EXOC6B: variants seen among roughly 807,000 people sequenced by gnomAD.
The protein encoded by EXOC6B is exocyst complex component 6B.
EXOC6B carries 54 observed loss-of-function variants against 113.5 expected under a neutral mutation model. The ratio of observed to expected loss-of-function variants is 0.48; its 90% confidence interval spans 0.38 to 0.60. EXOC6B has a LOEUF of 0.60. Ranked by LOEUF, EXOC6B falls within the 20% of genes least tolerant of loss-of-function variation. EXOC6B has a pLI of 0.00. For synonymous variants in EXOC6B, 357 were observed against 339.0 expected (o/e 1.05, Z -0.58); for missense variants, 797 against 977.5 (o/e 0.82, Z 2.46).
intron 20 of EXOC6B, among the ~76,000 whole-genome samples, chr2:72,262,653 C>T (rs1288743528): frequency 2.0e-5 from 3 of 152,104 alleles, no homozygotes; most frequent in South Asian, 2.1e-4. Flanking sequence ...ACGTATATTA[C>T]GTCTGGGGCA....
chr2:72,409,045 A>C (rs1365370327), intron 18 of EXOC6B, among the ~76,000 whole-genome samples: 1 of 152,224 alleles, frequency 6.6e-6, no homozygotes, highest in Non-Finnish European at 1.5e-5. Flanking sequence ...CCCCATCAAC[A>C]AGTGGGCAAA....
At chr2:72,762,865 G>A in intron 1 of EXOC6B, among the ~76,000 whole-genome samples, 1 of 151,932 alleles carries the variant, frequency 6.6e-6, no homozygotes, top group East Asian at 1.9e-4. Flanking sequence ...AACACATGTA[G>A]AAGTAAAATA....
chr2:72,202,013 T>C (rs2104338331), intron 20 of EXOC6B, among the ~76,000 whole-genome samples: 1 of 152,320 alleles, frequency 6.6e-6, no homozygotes, highest in African/African-American at 2.4e-5. Flanking sequence ...ATGGAAAGAC[T>C]TCTTGCCTTA....
At chr2:72,549,222 T>C (rs970120230) in intron 8 of EXOC6B, among the ~76,000 whole-genome samples, 1 of 152,156 alleles carries the variant, frequency 6.6e-6, no homozygotes, top group African/African-American at 2.4e-5. Context: ...ACTTCTACAT[T>C]TTACTCCACA....
At position 72,432,016 on chromosome 2, in the gene EXOC6B, G is replaced by A. The variant is rs146219129; in HGVS notation, c.1980+33144C>T. Among the ~76,000 whole-genome samples, 1,046 of 152,064 alleles carry A rather than the reference G, an allele frequency of 6.9e-3. 9 individuals are homozygous for A. The highest frequency in any genetic ancestry group is 0.023 in the African/African-American group (969 of 41,464). ...CTGCATAGTATTACATGGTGTATATGTGCCACATTTTCTTTTTTTTCTTTT... is the reference window on the plus strand; with the variant it reads ...CTGCATAGTATTACATGGTGTATATATGCCACATTTTCTTTTTTTTCTTTT... On this transcript the variant is annotated intron_variant, in intron 18 of 21. Coordinates refer to ENST00000272427, the MANE Select transcript of EXOC6B (RefSeq NM_015189.3).
intron 19 of EXOC6B, among the ~76,000 whole-genome samples, chr2:72,367,601 T>C (rs1690710819): frequency 6.6e-6 from 1 of 151,466 alleles, no homozygotes; most frequent in African/African-American, 2.4e-5. Flanking sequence ...TCACGCTACC[T>C]AGATTTTTAC....
intron 6 of EXOC6B, among the ~76,000 whole-genome samples, chr2:72,675,612 G>T (rs1311183028): frequency 6.6e-6 from 1 of 152,050 alleles, no homozygotes; most frequent in Admixed American, 6.6e-5. Flanking sequence ...GGGAAACATG[G>T]CAAAATCCTG....
intron 6 of EXOC6B, among the ~76,000 whole-genome samples, chr2:72,688,824 C>T (rs1297283516): frequency 6.6e-6 from 1 of 152,128 alleles, no homozygotes; most frequent in Non-Finnish European, 1.5e-5. Context: ...AAAGCTAATA[C>T]CTAGTAGTAA....
intron 11 of EXOC6B, among the ~76,000 whole-genome samples, chr2:72,501,387 ACTGTAAG>A (rs1700313418): frequency 6.6e-6 from 1 of 152,128 alleles, no homozygotes; most frequent in African/African-American, 2.4e-5. Flanking sequence ...TTTTACCATG[ACTGTAAG>A]CTTCCTGAGG....
At chr2:72,621,244 G>A (rs1482353083) in intron 6 of EXOC6B, among the ~76,000 whole-genome samples, 1 of 152,070 alleles carries the variant, frequency 6.6e-6, no homozygotes, top group Non-Finnish European at 1.5e-5. Context: ...GTAAAGACAT[G>A]GAATCAATCT....
intron 20 of EXOC6B, among the ~76,000 whole-genome samples, chr2:72,299,623 T>A (rs997983026): frequency 6.6e-6 from 1 of 152,090 alleles, no homozygotes; most frequent in African/African-American, 2.4e-5. Context: ...GGTGTTCTGG[T>A]TTTTGGAATA....
At chr2:72,312,448 CTAAA>C (rs879783547) in intron 20 of EXOC6B, among the ~76,000 whole-genome samples, 9 of 152,026 alleles carry the variant, frequency 5.9e-5, no homozygotes, top group Non-Finnish European at 1.2e-4. Flanking sequence ...ATGCCTCCTA[CTAAA>C]TAAATGCCAT....
intron 15 of EXOC6B, among the ~76,000 whole-genome samples, chr2:72,495,172 A>G (rs187653639): frequency 6.6e-5 from 10 of 152,232 alleles, no homozygotes; most frequent in Non-Finnish European, 1.3e-4. Flanking sequence ...ATTTTCTAGT[A>G]AACTGTCATT....
intron 6 of EXOC6B, among the ~76,000 whole-genome samples, chr2:72,676,197 T>C (rs2104523046): frequency 6.6e-6 from 1 of 152,242 alleles, no homozygotes; most frequent in Non-Finnish European, 1.5e-5. Context: ...CAGTTTTACT[T>C]ATGATAAGCC....
chr2:72,259,959 C>T (rs1433293324), intron 20 of EXOC6B, among the ~76,000 whole-genome samples: 2 of 151,830 alleles, frequency 1.3e-5, no homozygotes, highest in South Asian at 2.1e-4. Flanking sequence ...GGCTGAGGTG[C>T]GAGGATGACT....
chr2:72,249,751 C>G (rs1682889896), intron 20 of EXOC6B, among the ~76,000 whole-genome samples: 1 of 152,082 alleles, frequency 6.6e-6, no homozygotes, highest in African/African-American at 2.4e-5. Context: ...TGTTTTATGA[C>G]AAGAAAGCTA....
chr2:72,653,607 CA>C lies in EXOC6B; in HGVS notation c.669+64495del, dbSNP rs1553460773. Among the ~76,000 whole-genome samples, 15 of 144,030 alleles carry C rather than the reference CA, an allele frequency of 1.0e-4. 1 individual carries two copies. The highest frequency in any genetic ancestry group is 1.9e-4 in the East Asian group (1 of 5,146). The allele number at this position is 144,030 out of a possible 152,430, so 94.5% of individuals were successfully genotyped here. A position where few individuals can be genotyped will look rare whatever the true frequency, so the allele number is the denominator to read the frequency against. On this transcript the variant is annotated intron_variant, in intron 6 of 21. Transcript: ENST00000272427. ...AAAAATATTGCCAGCAACCCCCCCC[CA>C]AAAAGAAAGAAAGAAAGAAAATACT...
intron 20 of EXOC6B, among the ~76,000 whole-genome samples, chr2:72,230,180 C>A (rs767681889): frequency 6.6e-6 from 1 of 152,158 alleles, no homozygotes; most frequent in Admixed American, 6.5e-5. Context: ...AAGAAACTCA[C>A]TAAAATTTAA....
intron 14 of EXOC6B, 100 bp downstream of exon 14, chr2:72,496,354 C>T: frequency 1.5e-6 from 1 of 683,002 alleles, no homozygotes; most frequent in South Asian, 1.7e-5. Flanking sequence ...AGTTCTAACC[C>T]ATTGAGTTAA....
Sources: allele counts gnomAD v4.1 joint callset (sites outside exome capture counted in the v4.1 genomes callset), GRCh38; gene constraint gnomAD v4.1.1; transcripts MANE v1.5; gene names NCBI Gene and HGNC (gene_info 2026-07-23, HGNC 2026-07-21).